HDAC4: variants seen among roughly 807,000 people sequenced by gnomAD.
The protein encoded by HDAC4 is histone deacetylase A.
Under a neutral mutation model 135.1 loss-of-function variants are expected in HDAC4, and 16 were observed. The observed-to-expected ratio is 0.12, with a 90% CI of 0.08 to 0.18. The LOEUF (loss-of-function observed/expected upper bound fraction) is 0.18. Ranked by LOEUF, HDAC4 falls within the 10% of genes least tolerant of loss-of-function variation. The probability of loss-of-function intolerance (pLI) is 1.00; values close to 1 mark genes in which losing one functional copy is unlikely to be tolerated. For synonymous variants in HDAC4, 685 were observed against 653.4 expected, an observed-to-expected ratio of 1.05 and a Z score of -0.74; for missense variants, 1,143 against 1,511.8, an observed-to-expected ratio of 0.76 and a Z score of 4.05.
intron 22 of HDAC4, among the ~76,000 whole-genome samples, chr2:239,078,030 G>A (rs1217051832): frequency 2.0e-5 from 3 of 152,136 alleles, no homozygotes; most frequent in African/African-American, 7.2e-5. Context: ...TCTAAGCTAC[G>A]AACCACGGGC....
chr2:239,337,440 C>T (rs904843154), intron 2 of HDAC4, among the ~76,000 whole-genome samples: 10 of 152,164 alleles, frequency 6.6e-5, no homozygotes, highest in Non-Finnish European at 1.3e-4. Flanking sequence ...AGTCGGTTAT[C>T]GCTGCAAACT....
intron 2 of HDAC4, among the ~76,000 whole-genome samples, chr2:239,284,329 G>A (rs924936995): frequency 1.3e-5 from 2 of 152,196 alleles, no homozygotes; most frequent in Non-Finnish European, 2.9e-5. Flanking sequence ...AGCGGGCCAG[G>A]GAGTGGGCAG....
At position 239,308,056 on chromosome 2, in the gene HDAC4, C is replaced by T. The variant is rs1461555946; in HGVS notation, c.22+44622G>A. Among the ~76,000 whole-genome samples, 1 of 152,214 alleles carries T rather than the reference C, an allele frequency of 6.6e-6. No individual in the cohort carries two copies. The highest frequency in any genetic ancestry group is 1.5e-5 in the Non-Finnish European group (1 of 68,034). On this transcript the variant is annotated intron_variant, in intron 2 of 26. Coordinates refer to ENST00000543185, the MANE Select transcript of HDAC4 (RefSeq NM_001378414.1). The surrounding 1 kb of genome is among the most constrained non-coding windows in gnomAD (Gnocchi z 4.2). ...GAGGAGCCAAGGATGGCCCATCCCA[C>T]CCCCAACGGTGAGAGCCGGGCCCAT...
At chr2:239,094,067 G>A (rs763220444) in intron 17 of HDAC4, 8 of 985,364 alleles carry the variant, frequency 8.1e-6, no homozygotes, top group Non-Finnish European at 9.6e-6. Flanking sequence ...TTCACCCTGC[G>A]ATCAGTGATT....
chr2:239,082,915 C>T (rs920944940), intron 20 of HDAC4, among the ~76,000 whole-genome samples: 6 of 152,236 alleles, frequency 3.9e-5, no homozygotes, highest in African/African-American at 1.2e-4. Context: ...GGGGTGGCCC[C>T]GCTGAGAACA....
chr2:239,119,231 C>G (rs2039412669), intron 12 of HDAC4, among the ~76,000 whole-genome samples: 1 of 152,106 alleles, frequency 6.6e-6, no homozygotes, highest in South Asian at 2.1e-4. Context: ...GGAGGGAGAG[C>G]AAAGAACAAA....
chr2:239,263,931 GCCACTGCT>G (rs2049545009), intron 2 of HDAC4, among the ~76,000 whole-genome samples: 1 of 152,194 alleles, frequency 6.6e-6, no homozygotes, highest in African/African-American at 2.4e-5. Context: ...GCCCTGTCTG[GCCACTGCT>G]CCCCTCAGTC....
At chr2:239,070,455 G>C (rs2152620228) in intron 22 of HDAC4, among the ~76,000 whole-genome samples, 1 of 152,362 alleles carries the variant, frequency 6.6e-6, no homozygotes, top group South Asian at 2.1e-4. Context: ...ATCAGTGTGT[G>C]CTATGAATCC....
intron 3 of HDAC4, among the ~76,000 whole-genome samples, chr2:239,223,138 C>T (rs977910794): frequency 9.9e-5 from 15 of 152,222 alleles, no homozygotes; most frequent in Non-Finnish European, 2.9e-5. Context: ...TACATAAGAA[C>T]GCATTTCAGA....
At chr2:239,274,101 G>A (rs180769787) in intron 2 of HDAC4, among the ~76,000 whole-genome samples, 3 of 152,302 alleles carry the variant, frequency 2.0e-5, no homozygotes, top group East Asian at 3.9e-4. Flanking sequence ...AGCCTAGTCC[G>A]CTCCTTATTG....
chr2:239,242,227 GGGAA>G (rs1044485536), intron 2 of HDAC4, among the ~76,000 whole-genome samples: 4 of 132,226 alleles, frequency 3.0e-5, no homozygotes, highest in Non-Finnish European at 6.4e-5. Context: ...GAGGAAGGAG[GGGAA>G]GGGAGGGAGG....
chr2:239,126,031 T>G (rs1175030760), intron 12 of HDAC4, among the ~76,000 whole-genome samples: 1 of 152,220 alleles, frequency 6.6e-6, no homozygotes, highest in Admixed American at 6.5e-5. Flanking sequence ...GCTAGTTTAT[T>G]TAAAGGTATG....
At chr2:239,073,560 T>A (rs2152639712) in intron 22 of HDAC4, among the ~76,000 whole-genome samples, 1 of 152,356 alleles carries the variant, frequency 6.6e-6, no homozygotes, top group East Asian at 1.9e-4. Context: ...GCCCACCAGC[T>A]GGAGTTGCCC....
At chr2:239,131,336 T>C (rs2040568582) in intron 11 of HDAC4, among the ~76,000 whole-genome samples, 1 of 151,060 alleles carries the variant, frequency 6.6e-6, no homozygotes, top group African/African-American at 2.4e-5. Flanking sequence ...CCTATACACC[T>C]ATGCACCACG....
chr2:239,232,359 T>C (rs1373896440), intron 3 of HDAC4, among the ~76,000 whole-genome samples: 1 of 152,218 alleles, frequency 6.6e-6, no homozygotes, highest in Non-Finnish European at 1.5e-5. Flanking sequence ...CCATACCTTC[T>C]CCTCTGTCCT....
chr2:239,222,137 C>T (rs541869036), intron 3 of HDAC4, among the ~76,000 whole-genome samples: 3 of 152,314 alleles, frequency 2.0e-5, no homozygotes, highest in South Asian at 2.1e-4. Context: ...CGCCTCCCTT[C>T]GCTTCCCTGG....
At position 239,285,912 on chromosome 2, in the gene HDAC4, G is replaced by A. The variant is rs185408341; in HGVS notation, c.23-49248C>T. On this transcript the variant is annotated intron_variant, in intron 2 of 26. Coordinates refer to ENST00000543185, the MANE Select transcript of HDAC4 (RefSeq NM_001378414.1). The surrounding 1 kb of genome is among the most constrained non-coding windows in gnomAD (Gnocchi z 4.5). ...CACGTGGCATGCCTATCAGAAGAACGGCCTCCTCACTCCCATCCCTCTATT... is the reference window on the plus strand; with the variant it reads ...CACGTGGCATGCCTATCAGAAGAACAGCCTCCTCACTCCCATCCCTCTATT... Among the ~76,000 whole-genome samples the A allele has an allele frequency of 6.9e-4, 105 of 152,032 alleles. No homozygotes were observed. Among genetic ancestry groups the A allele is most frequent in the Admixed American group, 2.1e-3 (32 of 15,250 alleles).
Position 239,070,027 on chromosome 2 carries a change from T to A in HDAC4, c.2751-1420A>T, listed in dbSNP as rs927169633. 3.0e-5 allele frequency among the ~76,000 whole-genome samples: 4 copies of A among 132,398 alleles called. No homozygotes were observed. The Admixed American group carries it at 3.2e-4, about 10-fold the overall frequency. The allele number at this position is 132,398 out of a possible 152,430, so 86.9% of individuals were successfully genotyped here. A position where few individuals can be genotyped will look rare whatever the true frequency, so the allele number is the denominator to read the frequency against. ...TCTCTGTCCTGGTCCTCCCTGCCCA[T>A]CCTCTCTTCTGAGACTGGGTCAGCT... On this transcript the variant is annotated intron_variant, in intron 22 of 26. Transcript: ENST00000543185.
At chr2:239,216,185 C>T (rs988108502) in intron 3 of HDAC4, among the ~76,000 whole-genome samples, 4 of 112,800 alleles carry the variant, frequency 3.5e-5, no homozygotes, top group African/African-American at 5.5e-5. Context: ...TAAAAACGCA[C>T]GTGTTTATAT....
Sources: allele counts gnomAD v4.1 joint callset (sites outside exome capture counted in the v4.1 genomes callset), GRCh38; gene constraint gnomAD v4.1.1; non-coding constraint Gnocchi (gnomAD v3.1); transcripts MANE v1.5; gene names NCBI Gene and HGNC (gene_info 2026-07-23, HGNC 2026-07-21).